The following JUP variants were observed in gnomAD, a reference collection of about 807,000 sequenced individuals.
JUP encodes junction plakoglobin, also known as catenin (cadherin-associated protein), gamma 80kDa.
Under a neutral mutation model 71.1 loss-of-function variants are expected in JUP, and 28 were observed. The observed-to-expected ratio is 0.39, with a 90% CI of 0.29 to 0.54. The LOEUF (loss-of-function observed/expected upper bound fraction) is 0.54, where lower values mean the gene tolerates loss of function less well. Among genes scored for constraint, JUP ranks in the 20% least tolerant of loss-of-function variants. The pLI is 0.62. For missense variants in JUP, 869 were observed against 1,030.1 expected (o/e 0.84, Z 2.14); for synonymous variants, 401 against 438.9 (o/e 0.91, Z 1.08).
chr17:41,783,881 G>A (rs1020132482), intron 1 of JUP, among the ~76,000 whole-genome samples: 7 of 128,790 alleles, frequency 5.4e-5, no homozygotes, highest in South Asian at 2.5e-4. Flanking sequence ...GTGACAGAGC[G>A]AGACTCCATC....
At chr17:41,777,946 CA>C (rs1221896279) in intron 1 of JUP, among the ~76,000 whole-genome samples, 1 of 152,188 alleles carries the variant, frequency 6.6e-6, no homozygotes, top group Non-Finnish European at 1.5e-5. Context: ...CAGATGACCC[CA>C]AACCGGGACT....
chr17:41,763,857 C>G lies in JUP; in HGVS notation c.1159-536G>C, dbSNP rs182391523. 2.4e-3 allele frequency among the ~76,000 whole-genome samples: 369 copies of G among 152,308 alleles called. 2 individuals are homozygous for G. The highest frequency in any genetic ancestry group is 8.5e-3 in the African/African-American group (355 of 41,578). The stretch of plus-strand genomic sequence containing the variant: ...TACCTCAGACGTCTATCTCACTTCT[C>G]CCAGGGAGACACGTGGGCCTTGTGG... On this transcript the variant is annotated intron_variant, in intron 7 of 13. Coordinates refer to ENST00000393931, the MANE Select transcript of JUP (RefSeq NM_002230.4).
In JUP at chr17:41,767,562, G is replaced by A. The variant is rs2143652970; in HGVS notation, c.726C>T (p.Val242=). 2.5e-6 allele frequency: 3 copies of A among 1,220,782 alleles called. No homozygotes were observed. Among genetic ancestry groups the A allele is most frequent in the Non-Finnish European group, 2.3e-6 (2 of 865,508 alleles). 75.6% of individuals were successfully genotyped at this position (1,220,782 alleles called of 1,614,324 possible). A position where few individuals can be genotyped will look rare whatever the true frequency, so the allele number is the denominator to read the frequency against. The part of the protein sequence containing the change: ...VRMLSSPVES[V]LFYAITTLHN... The stretch of plus-strand genomic sequence containing the variant: ...GCAGCGTGGTGATGGCATAGAACAG[G>A]ACCGACTCCACAGGGGAGCTGGGGG... Residue 242 remains valine (V), a synonymous_variant, in exon 5 of 14, where the codon GTC becomes GTT. Coordinates refer to ENST00000393931, the MANE Select transcript of JUP (RefSeq NM_002230.4).
intron 1 of JUP, chr17:41,772,948 T>C (rs1916888744): frequency 1.0e-6 from 1 of 985,522 alleles, no homozygotes. Flanking sequence ...ATGGACGCCG[T>C]GATCCCATGA....
chr17:41,770,784 C>T (rs1268659159), intron 2 of JUP, among the ~76,000 whole-genome samples: 1 of 152,232 alleles, frequency 6.6e-6, no homozygotes, highest in Non-Finnish European at 1.5e-5. Context: ...CTGAGTCAGT[C>T]ACTCATCCCA....
At chr17:41,763,370 G>T (rs782659327) in intron 7 of JUP, 49 bp from the exon 8 acceptor site, 141 of 1,426,286 alleles carry the variant, frequency 9.9e-5, no homozygotes, top group Non-Finnish European at 1.4e-4. Flanking sequence ...CCAACTCCAG[G>T]GAGCCTTCTC....
intron 1 of JUP, among the ~76,000 whole-genome samples, chr17:41,778,355 C>A (rs781871703): frequency 6.6e-6 from 1 of 152,058 alleles, no homozygotes; most frequent in African/African-American, 2.4e-5. Context: ...CCCTTGAGCT[C>A]AGGAGCTCCA....
chr17:41,786,426 C>T (rs2047460770), intron 1 of JUP, 162 bp downstream of exon 1: 1 of 152,214 alleles, frequency 6.6e-6, no homozygotes, highest in South Asian at 2.1e-4. Flanking sequence ...CGCGCGACCC[C>T]CAAGTCGCCG....
At chr17:41,783,304 T>G (rs1266392657) in intron 1 of JUP, among the ~76,000 whole-genome samples, 19 of 150,830 alleles carry the variant, frequency 1.3e-4, no homozygotes, top group African/African-American at 3.4e-4. Context: ...GTTTTTTTTT[T>G]TTTTTTGAGT....
chr17:41,762,986 G>C lies in JUP; in HGVS notation c.1494C>G (p.Val498=). The C allele has an allele frequency of 6.2e-7, 1 of 1,612,950 alleles. No homozygotes were observed. The change falls in exon 8 of 14, where the codon GTC becomes GTG. Residue 498 remains valine (V), a synonymous_variant. Coordinates refer to ENST00000393931, the MANE Select transcript of JUP (RefSeq NM_002230.4). ...LLNQPNQWPL[V]KATIGLIRNL... ...TCCCCTCGCCTAACAGCAGTACCTT[G>C]ACCAGTGGCCACTGGTTGGGCTGGT...
chr17:41,784,671 T>G (rs1259864259), intron 1 of JUP, among the ~76,000 whole-genome samples: 1 of 152,098 alleles, frequency 6.6e-6, no homozygotes, highest in Non-Finnish European at 1.5e-5. Context: ...CCACACTGAC[T>G]TCCCCCTAGC....
Position 41,776,001 on chromosome 17 carries a change from G to A in JUP, c.-8-4139C>T, listed in dbSNP as rs146574574. The A allele has an allele frequency of 2.4e-3, 2,348 of 985,314 alleles. 39 individuals carry two copies. The African/African-American group carries it at 0.038, about 16-fold the overall frequency. 61.0% of individuals were successfully genotyped at this position (985,314 alleles called of 1,614,324 possible). ...GCTACACCAGGCTCCTTCCCCAGCC[G>A]GCACCTGCCAAGGACAGTCAGCAAT... On this transcript the variant is annotated intron_variant, in intron 1 of 13. Coordinates refer to ENST00000393931, the MANE Select transcript of JUP (RefSeq NM_002230.4).
chr17:41,767,250 G>T, intron 5 of JUP, 129 bp downstream of exon 5: 1 of 732,642 alleles, frequency 1.4e-6, no homozygotes, highest in Non-Finnish European at 2.3e-6. Context: ...TCAGTCGCAT[G>T]ATGAAGCATG....
rs1555606943 is a variant in JUP at position 41,771,670 on chromosome 17, G to C, written c.185C>G (p.Thr62Ser). The change falls in exon 2 of 14, where the codon ACC becomes AGC. Residue 62 changes from threonine to serine, a missense_variant. Physicochemically the swap from Thr to Ser is moderately conservative, Grantham distance 58 (BLOSUM62 1). Transcript: ENST00000393931. Reference sequence around the variant, plus strand: ...ACCTTGGCTGGGGGGCACCCCCTGGGTGTAAGTGGTGGTTTTCTTGAGCGT... The same window carrying C: ...ACCTTGGCTGGGGGGCACCCCCTGGCTGTAAGTGGTGGTTTTCTTGAGCGT... ...QYTLKKTTTY[T>S]QGVPPSQGDL... The C allele has an allele frequency of 2.5e-6, 4 of 1,613,936 alleles. No individual in the cohort carries two copies. Among genetic ancestry groups the C allele is most frequent in the Non-Finnish European group, 3.4e-6 (4 of 1,180,026 alleles).
intron 8 of JUP, among the ~76,000 whole-genome samples, chr17:41,760,504 C>T (rs782819942): frequency 6.6e-5 from 10 of 151,612 alleles, no homozygotes; most frequent in Non-Finnish European, 1.3e-4. Flanking sequence ...GTGATCCACA[C>T]GCCTCGGCCT....
chr17:41,765,897 A>T (rs1915638990), intron 5 of JUP, among the ~76,000 whole-genome samples: 1 of 152,186 alleles, frequency 6.6e-6, no homozygotes, highest in Admixed American at 6.5e-5. Context: ...TTGTTTATAA[A>T]GGTGGAATAG....
intron 2 of JUP, among the ~76,000 whole-genome samples, chr17:41,770,094 C>T (rs1916418956): frequency 6.6e-6 from 1 of 152,144 alleles, no homozygotes; most frequent in African/African-American, 2.4e-5. Context: ...AACCCCTACT[C>T]TATTCTCCTC....
chr17:41,755,819 A>ATCCATG lies in JUP; in HGVS notation c.2157_2162dup (p.Met720_Asp721dup), dbSNP rs781967615. 10 of 1,613,264 alleles carry ATCCATG rather than the reference A, an allele frequency of 6.2e-6. No individual in the cohort carries two copies. The highest frequency in any genetic ancestry group is 2.5e-6 in the Non-Finnish European group (3 of 1,179,710). On this transcript the variant is annotated inframe_insertion, in exon 14 of 14. Coordinates refer to ENST00000393931, the MANE Select transcript of JUP (RefSeq NM_002230.4). ...TGTAGGTGTCGATGGGGTAGTCTCC[A>ATCCATG]TCCATGTCCATGTGCATCTCCAGCG...
rs2143353030 is a variant in JUP, at chr17:41,754,986, C to T, written c.*758G>A. Reference sequence around the variant, plus strand: ...TCCTCCCCATCTCCCCTGGACGGTCCCTGAACTTTTCAAGAGAAGTTTTGG... The same window carrying T: ...TCCTCCCCATCTCCCCTGGACGGTCTCTGAACTTTTCAAGAGAAGTTTTGG... On this transcript the variant is annotated 3_prime_UTR_variant, in exon 14 of 14. Coordinates refer to ENST00000393931, the MANE Select transcript of JUP (RefSeq NM_002230.4). The T allele has an allele frequency of 3.9e-6, 1 of 257,458 alleles. No homozygotes were observed. The highest frequency in any genetic ancestry group is 1.7e-4 in the South Asian group (1 of 5,726). The allele number at this position is 257,458 out of a possible 1,614,324, so 15.9% of individuals were successfully genotyped here.
Sources: gnomAD v4.1 joint callset for allele counts (sites outside exome capture counted in the v4.1 genomes callset) on GRCh38, gnomAD v4.1.1 for gene constraint, MANE v1.5 for transcripts, NCBI Gene and HGNC (gene_info 2026-07-23, HGNC 2026-07-21) for gene names.